KCTD1: variants seen among roughly 807,000 people sequenced by gnomAD.
The protein encoded by KCTD1 is potassium channel tetramerization domain containing 1.
Under a neutral mutation model 66.0 loss-of-function variants are expected in KCTD1, and 24 were observed. The observed-to-expected ratio is 0.36, with a 90% CI of 0.26 to 0.51. KCTD1 has a LOEUF of 0.51. Ranked by LOEUF, KCTD1 falls within the 20% of genes least tolerant of loss-of-function variation. The pLI, the probability that KCTD1 is intolerant of heterozygous loss-of-function variation, is 0.95. For missense variants in KCTD1, 943 were observed against 1,205.2 expected (o/e 0.78, Z 3.22); for synonymous variants, 511 against 517.2 (o/e 0.99, Z 0.16).
intron 1 of KCTD1, among the ~76,000 whole-genome samples, chr18:26,525,177 T>G (rs1235221730): frequency 6.6e-6 from 1 of 152,204 alleles, no homozygotes; most frequent in Non-Finnish European, 1.5e-5. Context: ...TCTATCAGTA[T>G]GGACTTTCCA....
intron 1 of KCTD1, among the ~76,000 whole-genome samples, chr18:26,618,945 C>T (rs1345317213): frequency 1.3e-5 from 2 of 152,176 alleles, no homozygotes; most frequent in Non-Finnish European, 2.9e-5. Flanking sequence ...TACAGTCCTC[C>T]AGGGAAAGCC....
intron 1 of KCTD1, among the ~76,000 whole-genome samples, chr18:26,507,639 C>A (rs369321313): frequency 6.6e-5 from 10 of 152,012 alleles, no homozygotes; most frequent in African/African-American, 2.4e-4. Flanking sequence ...CGACCCCTCA[C>A]AAACACATTC....
intron 2 of KCTD1, among the ~76,000 whole-genome samples, chr18:26,489,754 G>C (rs922566488): frequency 6.6e-6 from 1 of 152,178 alleles, no homozygotes; most frequent in Non-Finnish European, 1.5e-5. Context: ...AAGAAGATGT[G>C]TGAGATTCGT....
At chr18:26,618,025 C>T (rs1237255425) in intron 1 of KCTD1, among the ~76,000 whole-genome samples, 1 of 151,666 alleles carries the variant, frequency 6.6e-6, no homozygotes, top group Admixed American at 6.6e-5. Flanking sequence ...CTGGTTCCGC[C>T]TATGCCCAGT....
intron 1 of KCTD1, among the ~76,000 whole-genome samples, chr18:26,610,972 T>A (rs528371780): frequency 6.6e-6 from 1 of 152,318 alleles, no homozygotes; most frequent in African/African-American, 2.4e-5. Context: ...TTGTTAATCT[T>A]GGATCTGTGG....
chr18:26,492,811 G>A (rs1982274406), intron 2 of KCTD1, among the ~76,000 whole-genome samples: 1 of 151,918 alleles, frequency 6.6e-6, no homozygotes, highest in Non-Finnish European at 1.5e-5. Context: ...TAGGGATAGA[G>A]GGATAAATAC....
intron 1 of KCTD1, among the ~76,000 whole-genome samples, chr18:26,521,085 G>A (rs1983887126): frequency 1.3e-5 from 2 of 152,318 alleles, no homozygotes; most frequent in South Asian, 2.1e-4. Context: ...CTGGGGGAGT[G>A]GGAGTGAAGG....
chr18:26,573,026 C>T (rs940746122), intron 1 of KCTD1, among the ~76,000 whole-genome samples: 3 of 151,878 alleles, frequency 2.0e-5, no homozygotes, highest in Admixed American at 6.6e-5. Flanking sequence ...AACCACCCCC[C>T]CCTTTTTTTT....
intron 1 of KCTD1, among the ~76,000 whole-genome samples, chr18:26,605,698 C>A (rs1035220813): frequency 6.8e-6 from 1 of 147,022 alleles, no homozygotes; most frequent in Non-Finnish European, 1.5e-5. Flanking sequence ...CACCCACCCC[C>A]CTAAATACAC....
intron 1 of KCTD1, among the ~76,000 whole-genome samples, chr18:26,604,811 G>A (rs920156860): frequency 6.6e-5 from 10 of 152,124 alleles, no homozygotes; most frequent in African/African-American, 2.4e-4. Context: ...CCTGGGTGAT[G>A]AAATAATCTG....
At chr18:26,642,236 A>T (rs1180048842), upstream of KCTD1, among the ~76,000 whole-genome samples, 1 of 152,082 alleles carries the variant, frequency 6.6e-6, no homozygotes, top group Non-Finnish European at 1.5e-5. Flanking sequence ...GAATGTCCTA[A>T]TCCTGCCTCA....
intron 1 of KCTD1, among the ~76,000 whole-genome samples, chr18:26,533,193 T>C (rs1984532382): frequency 6.6e-6 from 1 of 152,236 alleles, no homozygotes; most frequent in Non-Finnish European, 1.5e-5. Flanking sequence ...GTAGTAGCCC[T>C]CTTACCAAGC....
intron 1 of KCTD1, among the ~76,000 whole-genome samples, chr18:26,587,735 A>AG: frequency 6.6e-6 from 1 of 152,344 alleles, no homozygotes; most frequent in East Asian, 1.9e-4. Context: ...CAAGACATCA[A>AG]GACAACAGTG....
Position 26,505,153 on chromosome 18 carries a change from G to A in KCTD1, c.1810-3903C>T, listed in dbSNP as rs535247814. 1.1e-4 allele frequency among the ~76,000 whole-genome samples: 17 copies of A among 152,390 alleles called. No individual in the cohort carries two copies. The East Asian group carries it at 2.3e-3, about 21-fold the overall frequency. On this transcript the variant is annotated intron_variant, in intron 1 of 4. Coordinates refer to ENST00000580059, the MANE Select transcript of KCTD1 (RefSeq NM_001142730.3). ...TCCTGTTACACAGCTGCTTCCCTGCGAGGTCATTTGGCTTGGGGGCCTTGG... is the reference window on the plus strand; with the variant it reads ...TCCTGTTACACAGCTGCTTCCCTGCAAGGTCATTTGGCTTGGGGGCCTTGG...
intron 1 of KCTD1, among the ~76,000 whole-genome samples, chr18:26,590,625 C>T (rs191218786): frequency 1.3e-5 from 2 of 151,976 alleles, no homozygotes; most frequent in Non-Finnish European, 2.9e-5. Context: ...GTTTTACCTG[C>T]TGAAAAATGA....
intron 1 of KCTD1, among the ~76,000 whole-genome samples, chr18:26,518,924 A>T (rs1375635857): frequency 6.6e-6 from 1 of 152,232 alleles, no homozygotes; most frequent in Non-Finnish European, 1.5e-5. Flanking sequence ...TGCACAGGAC[A>T]CTGTGCTATA....
chr18:26,486,683 C>T (rs544817347), intron 2 of KCTD1, among the ~76,000 whole-genome samples: 11 of 152,286 alleles, frequency 7.2e-5, no homozygotes, highest in South Asian at 4.2e-4. Flanking sequence ...CAGGTGGCCC[C>T]GTCTCTCCCT....
At chr18:26,571,517 C>T (rs1044146951) in intron 1 of KCTD1, among the ~76,000 whole-genome samples, 1 of 152,090 alleles carries the variant, frequency 6.6e-6, no homozygotes, top group African/African-American at 2.4e-5. Flanking sequence ...CACATCCTCC[C>T]GTGTACTTTA....
rs1325462958 is a variant in KCTD1 at position 26,547,918 on chromosome 18, C to T, written c.619G>A (p.Val207Met). ...ETMDKGALCRVLRSFYAEARS... is the reference protein window; with the variant it reads ...ETMDKGALCRMLRSFYAEARS... ...GCCTCGGCATAGAAGGAGCGCAGCACGCGGCACAGCGCCCCCTTGTCCATG... is the reference window on the plus strand; with the variant it reads ...GCCTCGGCATAGAAGGAGCGCAGCATGCGGCACAGCGCCCCCTTGTCCATG... The change falls in exon 1 of 5, where the codon GTG becomes ATG. Residue 207 changes from valine to methionine, a missense_variant. By Grantham distance (21) the Val-to-Met change is conservative. Around this residue, in one of 10 missense-constraint regions of KCTD1, gnomAD observed 96 missense variants for 132.5 expected, o/e 0.72. Transcript: ENST00000580059. 6.5e-7 allele frequency: 1 copy of T among 1,543,792 alleles called. No homozygotes were observed.
Sources: allele counts gnomAD v4.1 joint callset (sites outside exome capture counted in the v4.1 genomes callset), GRCh38; gene constraint gnomAD v4.1.1; regional missense constraint gnomAD v4.1.1; transcripts MANE v1.5; gene names NCBI Gene and HGNC (gene_info 2026-07-23, HGNC 2026-07-21).